The following PHRF1 variants were observed in gnomAD, a reference collection of about 807,000 sequenced individuals.
The protein encoded by PHRF1 is PHD and ring finger domains 1, also known as PHD and RING finger domain-containing protein 1.
A neutral mutation model predicts 128.9 loss-of-function variants in PHRF1; 53 were observed. The observed-to-expected ratio is 0.41, with a 90% CI of 0.33 to 0.52. PHRF1 has a LOEUF of 0.52. Among genes scored for constraint, PHRF1 ranks in the 20% least tolerant of loss-of-function variants. The pLI, the probability that PHRF1 is intolerant of heterozygous loss-of-function variation, is 0.21. For synonymous variants in PHRF1, 1,178 were observed against 980.6 expected (o/e 1.20, Z -3.76); for missense variants, 2,503 against 2,284.5 (o/e 1.10, Z -1.95).
intron 3 of PHRF1, 55 bp downstream of exon 3, chr11:582,136 A>G (rs954472658): frequency 6.5e-7 from 1 of 1,549,768 alleles, no homozygotes; most frequent in Non-Finnish European, 8.7e-7. Flanking sequence ...CGTGATGGGG[A>G]CAGCCTTTTA....
At chr11:602,344 T>C (rs1388765403) in intron 10 of PHRF1, among the ~76,000 whole-genome samples, 1 of 152,210 alleles carries the variant, frequency 6.6e-6, no homozygotes, top group Non-Finnish European at 1.5e-5. Context: ...ATGTATCACC[T>C]TGTCCACTCG....
chr11:601,428 C>CAAAAAAA, intron 9 of PHRF1, 146 bp from the exon 10 acceptor site: 1 of 874,760 alleles, frequency 1.1e-6, no homozygotes, highest in Non-Finnish European at 1.6e-6. Flanking sequence ...GATCCTGTCT[C>CAAAAAAA]AAAAAAAAAA....
chr11:597,628 G>A lies in PHRF1; in HGVS notation c.894+58G>A. The A allele has an allele frequency of 1.3e-6, 2 of 1,527,066 alleles. No individual in the cohort carries two copies. The highest frequency in any genetic ancestry group is 2.0e-5 in the Admixed American group (1 of 51,124). 94.6% of individuals were successfully genotyped at this position (1,527,066 alleles called of 1,614,324 possible). On this transcript the variant is annotated intron_variant, in intron 8 of 17. Coordinates refer to ENST00000264555, the MANE Select transcript of PHRF1 (RefSeq NM_001286581.2). The surrounding 1 kb of genome is among the most constrained non-coding windows in gnomAD (Gnocchi z 6.5). ...ACCCCAGCTGCCCAGAGTGATCTCG[G>A]CAGTCTGGGTGGGTGGGAGGGGCGT...
At chr11:603,415 C>T (rs539128170) in intron 10 of PHRF1, among the ~76,000 whole-genome samples, 1 of 151,528 alleles carries the variant, frequency 6.6e-6, no homozygotes, top group African/African-American at 2.4e-5. Flanking sequence ...TCACTGCACC[C>T]GCCTTGACCT....
chr11:583,025 C>T (rs953528338), intron 3 of PHRF1, among the ~76,000 whole-genome samples: 4 of 148,784 alleles, frequency 2.7e-5, no homozygotes, highest in South Asian at 2.1e-4. Context: ...CAGAGCGAGA[C>T]TCCATCTCAA....
chr11:597,341 G>C lies in PHRF1; in HGVS notation c.719-54G>C, dbSNP rs896038871. The C allele has an allele frequency of 1.4e-5, 22 of 1,569,370 alleles. No homozygotes were observed. The East Asian group carries it at 3.6e-4, about 26-fold the overall frequency. On this transcript the variant is annotated intron_variant, in intron 7 of 17. Coordinates refer to ENST00000264555, the MANE Select transcript of PHRF1 (RefSeq NM_001286581.2). This position sits in a 1 kb window ranked among gnomAD's most constrained non-coding sequence, Gnocchi z 6.5. ...CCGGCAGCCACAGGGGGAGCCGTTG[G>C]GGGAGGCGTGTGGCCTGTGAGTGTG... is the stretch of plus-strand genomic sequence containing the variant.
chr11:602,439 G>C (rs1007215625), intron 10 of PHRF1, among the ~76,000 whole-genome samples: 3 of 152,036 alleles, frequency 2.0e-5, no homozygotes, highest in Non-Finnish European at 4.4e-5. Flanking sequence ...CCACCACTTT[G>C]GGGGGCTGAG....
chr11:587,191 G>C (rs1454739571), intron 3 of PHRF1, 68 bp from the exon 4 acceptor site: 1 of 1,499,484 alleles, frequency 6.7e-7, no homozygotes, highest in Admixed American at 1.9e-5. Context: ...GCCTGGGCCC[G>C]CTTGCCTCCA....
At chr11:582,775 C>T (rs1854284291) in intron 3 of PHRF1, among the ~76,000 whole-genome samples, 1 of 151,870 alleles carries the variant, frequency 6.6e-6, no homozygotes, top group Admixed American at 6.6e-5. Flanking sequence ...CCGCCCACCT[C>T]AGCCTCCCAA....
chr11:583,731 TCAAA>T (rs71462099), intron 3 of PHRF1, among the ~76,000 whole-genome samples: 33,051 of 152,000 alleles, frequency 0.22, 3,740 homozygotes, highest in African/African-American at 0.26. Context: ...AGACGTTATC[TCAAA>T]CAAAACAAAG....
chr11:589,403 C>T, intron 4 of PHRF1, among the ~76,000 whole-genome samples: 1 of 152,096 alleles, frequency 6.6e-6, no homozygotes, highest in Non-Finnish European at 1.5e-5. Flanking sequence ...GTGAAGTCAA[C>T]ACAGGAGGAC....
At chr11:606,760 C>T in intron 13 of PHRF1, 164 bp downstream of exon 13, 1 of 1,108,778 alleles carries the variant, frequency 9.0e-7, no homozygotes, top group Non-Finnish European at 1.2e-6. Flanking sequence ...AGCAGTTTCT[C>T]AGTTAGCTCC....
intron 2 of PHRF1, 72 bp downstream of exon 2, chr11:581,678 G>A (rs1462874177): frequency 1.4e-5 from 19 of 1,350,654 alleles, no homozygotes; most frequent in Middle Eastern, 3.8e-4. Flanking sequence ...TTTGGAGGTC[G>A]TCTGTGTGTG....
intron 12 of PHRF1, 148 bp from the exon 13 acceptor site, chr11:606,293 AC>A: frequency 9.2e-7 from 1 of 1,083,484 alleles, no homozygotes; most frequent in Non-Finnish European, 1.3e-6. Flanking sequence ...ACCTCTTAGA[AC>A]AGCAGCCGGA....
chr11:605,326 C>T (rs770055686), intron 11 of PHRF1, 26 bp downstream of exon 11: 44 of 1,605,956 alleles, frequency 2.7e-5, no homozygotes, highest in Non-Finnish European at 3.7e-5. Flanking sequence ...ATGGTCCTGC[C>T]TGGGCACCCG....
chr11:608,457 A>C lies in PHRF1; in HGVS notation c.3001A>C (p.Ser1001Arg). The change falls in exon 14 of 18, where the codon AGC (serine) becomes CGC (arginine). Residue 1001 changes from serine to arginine, a missense_variant. Physicochemically the swap from Ser to Arg is moderately radical, Grantham distance 110. Transcript: ENST00000264555. The stretch of plus-strand genomic sequence containing the variant: ...GTCCCGCTCCACATCCAGCTCCCGC[A>C]GCAGGAAGAAGGCCAAGAGGAAGAG... Reference protein sequence around the residue: ...SRSRSTSSSRSRKKAKRKRVS... With the variant: ...SRSRSTSSSRRRKKAKRKRVS... 1 of 1,612,352 alleles carries C rather than the reference A, an allele frequency of 6.2e-7. No individual in the cohort carries two copies. The highest frequency in any genetic ancestry group is 8.5e-7 in the Non-Finnish European group (1 of 1,179,790).
chr11:609,317 C>G lies in PHRF1; in HGVS notation c.3861C>G (p.Ser1287Arg), dbSNP rs747581063. ...DAVFIQLDDM[S>R]SPPSPESTDS... ...TTTTCATCCAGCTCGATGACATGAG[C>G]TCGCCACCTTCTCCCGAAAGCACAG... is the stretch of plus-strand genomic sequence containing the variant. Residue 1287 changes from serine to arginine, a missense_variant, in exon 14 of 18, where the codon AGC (serine) becomes AGG (arginine). By Grantham distance (110) the Ser-to-Arg change is moderately radical (BLOSUM62 -1). Coordinates refer to ENST00000264555, the MANE Select transcript of PHRF1 (RefSeq NM_001286581.2). 1.9e-6 allele frequency: 3 copies of G among 1,612,536 alleles called. No individual in the cohort carries two copies. The highest frequency in any genetic ancestry group is 2.2e-5 in the East Asian group (1 of 44,872).
chr11:606,393 T>C, intron 12 of PHRF1, 49 bp from the exon 13 acceptor site: 2 of 1,505,750 alleles, frequency 1.3e-6, no homozygotes, highest in South Asian at 2.5e-5. Flanking sequence ...GTGCGGGCCC[T>C]CAGGCCGTGG....
intron 1 of PHRF1, among the ~76,000 whole-genome samples, chr11:579,998 G>T (rs1479660875): frequency 6.6e-6 from 1 of 152,222 alleles, no homozygotes; most frequent in African/African-American, 2.4e-5. Flanking sequence ...AGCCCACAGT[G>T]GTGGTGGGAG....
Sources: allele counts gnomAD v4.1 joint callset (sites outside exome capture counted in the v4.1 genomes callset), GRCh38; gene constraint gnomAD v4.1.1; non-coding constraint Gnocchi (gnomAD v3.1); transcripts MANE v1.5; gene names NCBI Gene and HGNC (gene_info 2026-07-23, HGNC 2026-07-21).